The following LRRTM4 variants were observed in gnomAD, a reference collection of about 807,000 sequenced individuals.
LRRTM4 encodes leucine-rich repeat transmembrane neuronal protein 4.
In LRRTM4, 25 loss-of-function variants were observed where a neutral mutation model predicts 47.6. That is an observed-to-expected ratio of 0.53 (90% CI 0.38 to 0.73). LRRTM4 has a LOEUF of 0.73. Ranked by LOEUF, LRRTM4 falls within the 30% of genes least tolerant of loss-of-function variation. LRRTM4 has a pLI of 0.00. For missense variants in LRRTM4, 638 were observed against 713.4 expected (o/e 0.89, Z 1.20); for synonymous variants, 311 against 269.5 (o/e 1.15, Z -1.51).
intron 3 of LRRTM4, among the ~76,000 whole-genome samples, chr2:77,064,480 A>C (rs1412421555): frequency 1.3e-5 from 2 of 152,202 alleles, no homozygotes; most frequent in East Asian, 1.9e-4. Flanking sequence ...AGTTTCAGGG[A>C]AATTGTGACA....
At chr2:77,254,474 C>T (rs548695797) in intron 3 of LRRTM4, among the ~76,000 whole-genome samples, 1 of 151,712 alleles carries the variant, frequency 6.6e-6, no homozygotes, top group Admixed American at 6.6e-5. Context: ...AGGAACAAAC[C>T]TTGGAATATT....
At chr2:76,955,908 A>ACTGT (rs1675660707) in intron 3 of LRRTM4, among the ~76,000 whole-genome samples, 1 of 151,770 alleles carries the variant, frequency 6.6e-6, no homozygotes, top group South Asian at 2.1e-4. Context: ...AGCAGCCCAA[A>ACTGT]CTGACAAAGA....
Position 76,793,133 on chromosome 2 carries a change from T to G in LRRTM4, c.1552-44217A>C, listed in dbSNP as rs112244148. ...CAGGTTAATATTTTCCCTCAAGTCT[T>G]TAGGCAAGTAGACCCAGGGGTACCT... On this transcript the variant is annotated intron_variant, in intron 3 of 3. Transcript: ENST00000409884. Among the ~76,000 whole-genome samples, 744 of 152,280 alleles carry G rather than the reference T, an allele frequency of 4.9e-3. 8 individuals are homozygous for G. Among genetic ancestry groups the G allele is most frequent in the Non-Finnish European group, 7.4e-3 (500 of 67,998 alleles).
intron 3 of LRRTM4, among the ~76,000 whole-genome samples, chr2:76,951,280 G>A (rs1245029709): frequency 6.6e-6 from 1 of 152,032 alleles, no homozygotes; most frequent in Non-Finnish European, 1.5e-5. Flanking sequence ...TGGTAAATAT[G>A]AAAGACGTAT....
At chr2:77,401,005 G>T (rs1261601555) in intron 3 of LRRTM4, among the ~76,000 whole-genome samples, 1 of 151,870 alleles carries the variant, frequency 6.6e-6, no homozygotes, top group East Asian at 1.9e-4. Flanking sequence ...CATATTTTCC[G>T]TGCTACTTTT....
At chr2:77,315,274 A>G (rs1677587196) in intron 3 of LRRTM4, among the ~76,000 whole-genome samples, 1 of 152,190 alleles carries the variant, frequency 6.6e-6, no homozygotes, top group Non-Finnish European at 1.5e-5. Context: ...AAAATCATAA[A>G]ACACTGATAA....
intron 3 of LRRTM4, among the ~76,000 whole-genome samples, chr2:77,201,062 C>T (rs982779855): frequency 2.0e-5 from 3 of 152,012 alleles, no homozygotes; most frequent in Non-Finnish European, 4.4e-5. Context: ...TTCATCAAAA[C>T]AATGATTTCA....
chr2:76,866,889 A>C (rs1672485023), intron 3 of LRRTM4, among the ~76,000 whole-genome samples: 1 of 152,182 alleles, frequency 6.6e-6, no homozygotes, highest in African/African-American at 2.4e-5. Context: ...TCAAGCAGCC[A>C]TAAAAAAGAA....
intron 3 of LRRTM4, among the ~76,000 whole-genome samples, chr2:77,163,025 T>C (rs1672776472): frequency 6.6e-6 from 1 of 151,912 alleles, no homozygotes; most frequent in East Asian, 1.9e-4. Flanking sequence ...ATAACAAACT[T>C]CTGTGAGCTA....
At chr2:77,025,976 T>C (rs1254318046) in intron 3 of LRRTM4, among the ~76,000 whole-genome samples, 3 of 151,712 alleles carry the variant, frequency 2.0e-5, no homozygotes, top group East Asian at 1.9e-4. Context: ...CGATTGCACA[T>C]GTTTCCTACT....
At chr2:76,931,665 T>G (rs1202878536) in intron 3 of LRRTM4, among the ~76,000 whole-genome samples, 1 of 152,202 alleles carries the variant, frequency 6.6e-6, no homozygotes, top group Non-Finnish European at 1.5e-5. Context: ...TGGATCTAAC[T>G]GCCTTTACAG....
At chr2:77,367,889 T>A (rs1221691408) in intron 3 of LRRTM4, among the ~76,000 whole-genome samples, 1 of 151,890 alleles carries the variant, frequency 6.6e-6, no homozygotes, top group East Asian at 1.9e-4. Flanking sequence ...ACACAGTAGT[T>A]ACTAGTCACA....
chr2:77,465,749 A>G (rs1676958132), intron 3 of LRRTM4, among the ~76,000 whole-genome samples: 1 of 152,306 alleles, frequency 6.6e-6, no homozygotes, highest in East Asian at 1.9e-4. Context: ...GTGGTCCCAG[A>G]AAGCATTTTC....
At chr2:77,052,303 G>C (rs1679462957) in intron 3 of LRRTM4, among the ~76,000 whole-genome samples, 1 of 151,588 alleles carries the variant, frequency 6.6e-6, no homozygotes, top group Non-Finnish European at 1.5e-5. Flanking sequence ...CGGGTAGCTG[G>C]GATTACAGGC....
intron 3 of LRRTM4, among the ~76,000 whole-genome samples, chr2:77,136,595 C>G (rs1671950838): frequency 6.6e-6 from 1 of 152,152 alleles, no homozygotes; most frequent in African/African-American, 2.4e-5. Flanking sequence ...GAACGCAGCT[C>G]CTCGCTAGGA....
At chr2:76,845,243 CA>C (rs1671804576) in intron 3 of LRRTM4, among the ~76,000 whole-genome samples, 1 of 152,102 alleles carries the variant, frequency 6.6e-6, no homozygotes, top group Admixed American at 6.6e-5. Context: ...GTAATTCCAA[CA>C]CTTTGGGAGG....
chr2:77,407,744 CTATTA>C (rs1674271419), intron 3 of LRRTM4, among the ~76,000 whole-genome samples: 1 of 133,378 alleles, frequency 7.5e-6, no homozygotes, highest in African/African-American at 2.8e-5. Context: ...ATATTATATT[CTATTA>C]TATTATGATA....
rs61103340 is a variant in LRRTM4, at chr2:76,968,340, GTATATATATATATATATATATATATA to G, written c.1552-219450_1552-219425del. Among the ~76,000 whole-genome samples, 36 of 76,646 alleles carry G rather than the reference GTATATATATATATATATATATATATA, an allele frequency of 4.7e-4. No individual in the cohort carries two copies. In the South Asian group the frequency reaches 8.4e-3, roughly 18 times the overall value. The allele number at this position is 76,646 out of a possible 152,430, so 50.3% of individuals were successfully genotyped here. A position where few individuals can be genotyped will look rare whatever the true frequency, so the allele number is the denominator to read the frequency against. On this transcript the variant is annotated intron_variant, in intron 3 of 3. Transcript: ENST00000409884. ...TGTAAATACAAAAGTGTGTATGTGT[GTATATATATATATATATATATATATA>G]TATATATATATATATATACACATAC... is the stretch of plus-strand genomic sequence containing the variant.
chr2:77,477,289 TGG>T (rs1677442990), intron 3 of LRRTM4, among the ~76,000 whole-genome samples: 2 of 152,128 alleles, frequency 1.3e-5, no homozygotes, highest in African/African-American at 4.8e-5. Context: ...AGTGATATCA[TGG>T]ATGGAGAGTT....
Sources: gnomAD v4.1 joint callset for allele counts (sites outside exome capture counted in the v4.1 genomes callset) on GRCh38, gnomAD v4.1.1 for gene constraint, MANE v1.5 for transcripts, NCBI Gene and HGNC (gene_info 2026-07-23, HGNC 2026-07-21) for gene names.